The following TDRD3 variants were observed in gnomAD, a reference collection of about 807,000 sequenced individuals.
The protein encoded by TDRD3 is tudor domain-containing protein 3.
In TDRD3, 45 loss-of-function variants were observed where a neutral mutation model predicts 86.7. The observed-to-expected ratio is 0.52, with a 90% CI of 0.41 to 0.67. TDRD3 has a LOEUF of 0.67. TDRD3 is among the 30% of genes least tolerant of loss of function. TDRD3 has a pLI of 0.00. For synonymous variants in TDRD3, 298 were observed against 301.7 expected, an observed-to-expected ratio of 0.99 and a Z score of 0.13; for missense variants, 814 against 889.0, an observed-to-expected ratio of 0.92 and a Z score of 1.07.
intron 5 of TDRD3, among the ~76,000 whole-genome samples, chr13:60,475,587 TA>T (rs1490819170): frequency 5.9e-5 from 9 of 152,202 alleles, no homozygotes; most frequent in Non-Finnish European, 1.2e-4. Flanking sequence ...GCAGTAATAG[TA>T]GTTGAACTCT....
At chr13:60,516,596 A>C (rs1957175307) in intron 10 of TDRD3, among the ~76,000 whole-genome samples, 1 of 152,228 alleles carries the variant, frequency 6.6e-6, no homozygotes, top group African/African-American at 2.4e-5. Flanking sequence ...TCTTTGGGCA[A>C]GATATAGAAC....
At chr13:60,463,342 A>G (rs1296581862) in intron 4 of TDRD3, among the ~76,000 whole-genome samples, 3 of 149,308 alleles carry the variant, frequency 2.0e-5, no homozygotes, top group South Asian at 4.4e-4. Context: ...AGTCGGTGTG[A>G]CAAGAGCAAA....
intron 12 of TDRD3, chr13:60,537,433 CTG>C (rs1957722476): frequency 6.6e-6 from 1 of 151,958 alleles, no homozygotes; most frequent in African/African-American, 2.4e-5. Context: ...GAAATATAGT[CTG>C]TGTTGCTGTC....
chr13:60,475,373 G>T (rs973990949), intron 5 of TDRD3, among the ~76,000 whole-genome samples: 1 of 152,124 alleles, frequency 6.6e-6, no homozygotes, highest in Non-Finnish European at 1.5e-5. Context: ...GCCTTAGTTT[G>T]CTTAGAATGA....
intron 8 of TDRD3, among the ~76,000 whole-genome samples, chr13:60,506,373 A>T (rs1345055968): frequency 6.6e-6 from 1 of 152,202 alleles, no homozygotes; most frequent in Non-Finnish European, 1.5e-5. Context: ...CCTGCCTTAC[A>T]AGAGTTCCTG....
intron 12 of TDRD3, among the ~76,000 whole-genome samples, chr13:60,541,981 C>T (rs1177115610): frequency 6.6e-6 from 1 of 151,974 alleles, no homozygotes; most frequent in African/African-American, 2.4e-5. Flanking sequence ...CCTGCCTCAG[C>T]CTCCCAAAGT....
At chr13:60,475,394 A>T (rs1956163685) in intron 5 of TDRD3, among the ~76,000 whole-genome samples, 1 of 152,154 alleles carries the variant, frequency 6.6e-6, no homozygotes, top group African/African-American at 2.4e-5. Flanking sequence ...TGGCCTCCAG[A>T]TGCATCCATA....
At chr13:60,489,439 C>G (rs1956529151) in intron 7 of TDRD3, among the ~76,000 whole-genome samples, 1 of 152,154 alleles carries the variant, frequency 6.6e-6, no homozygotes, top group African/African-American at 2.4e-5. Flanking sequence ...CCCGCAATGT[C>G]TTTCTGTTGT....
intron 12 of TDRD3, among the ~76,000 whole-genome samples, chr13:60,559,084 CAT>C (rs140154693): frequency 0.016 from 2,402 of 151,428 alleles, 75 homozygotes; most frequent in African/African-American, 0.055. Context: ...TAAACAAACT[CAT>C]GTGTTTTGAA....
At position 60,439,781 on chromosome 13, in the gene TDRD3, T is replaced by C. The variant is rs1168873873; in HGVS notation, c.126+9T>C. ...TCCTGATTGCTCTCAATGTAGGTTA[T>C]ATTTATTAACTTGTAAACATTTGAA... is the stretch of plus-strand genomic sequence containing the variant. On this transcript the variant is annotated intron_variant, in intron 2 of 13. Transcript: ENST00000377881. 3 of 1,498,578 alleles carry C rather than the reference T, an allele frequency of 2.0e-6. No individual in the cohort carries two copies. The highest frequency in any genetic ancestry group is 2.7e-6 in the Non-Finnish European group (3 of 1,121,456). The allele number at this position is 1,498,578 out of a possible 1,614,324, so 92.8% of individuals were successfully genotyped here.
Position 60,403,244 on chromosome 13 carries a change from G to A in TDRD3, c.41+5839G>A, listed in dbSNP as rs371087093. Among the ~76,000 whole-genome samples the A allele has an allele frequency of 1.7e-4, 26 of 152,144 alleles. No homozygotes were observed. The East Asian group carries it at 1.9e-3, about 11-fold the overall frequency. ...AAAAAGAAACTTGCTACCTCAGCAGGTTGAAAATAATTTTCTCCTTTCATA... is the reference window on the plus strand; with the variant it reads ...AAAAAGAAACTTGCTACCTCAGCAGATTGAAAATAATTTTCTCCTTTCATA... On this transcript the variant is annotated intron_variant, in intron 1 of 13. Transcript: ENST00000377881.
chr13:60,467,722 T>C (rs544703168), intron 5 of TDRD3, among the ~76,000 whole-genome samples: 1 of 152,342 alleles, frequency 6.6e-6, no homozygotes, highest in East Asian at 1.9e-4. Context: ...TATACCTGTC[T>C]TATCTACAGA....
At chr13:60,533,655 A>G (rs1240342577) in intron 11 of TDRD3, among the ~76,000 whole-genome samples, 1 of 151,968 alleles carries the variant, frequency 6.6e-6, no homozygotes, top group African/African-American at 2.4e-5. Context: ...AAAAAGAGAG[A>G]TGCTATTAGA....
chr13:60,429,198 T>A (rs1050569430), intron 1 of TDRD3, among the ~76,000 whole-genome samples: 11 of 152,174 alleles, frequency 7.2e-5, no homozygotes, highest in Non-Finnish European at 1.3e-4. Flanking sequence ...CTGCCCTTTT[T>A]AATTGTAATA....
rs1460359993 is a variant in TDRD3 at position 60,460,449 on chromosome 13, T to A, written c.262T>A (p.Ser88Thr). The change falls in exon 4 of 14, where the codon TCT becomes ACT. Residue 88 changes from serine to threonine, a missense_variant. Physicochemically the swap from Ser to Thr is moderately conservative, Grantham distance 58. Transcript: ENST00000377881. ...TGCTGCACCAAAGGATAATGAAGAA[T>A]CTCAGGCTGCACCAAGGATGCTGCG... ...NVAAPKDNEE[S>T]QAAPRMLRLQ... The A allele has an allele frequency of 1.9e-6, 3 of 1,603,696 alleles. No individual in the cohort carries two copies. Among genetic ancestry groups the A allele is most frequent in the Non-Finnish European group, 2.5e-6 (3 of 1,177,322 alleles).
chr13:60,464,571 TACACACACACACATAC>T (rs964932274), intron 4 of TDRD3, among the ~76,000 whole-genome samples: 5 of 148,090 alleles, frequency 3.4e-5, no homozygotes, highest in Admixed American at 6.6e-5. Context: ...TGTATACACA[TACACACACACACATAC>T]ACACACACAC....
At chr13:60,550,074 A>C (rs1958014907) in intron 12 of TDRD3, among the ~76,000 whole-genome samples, 2 of 152,118 alleles carry the variant, frequency 1.3e-5, no homozygotes, top group African/African-American at 4.8e-5. Context: ...AATGTTCAAA[A>C]AAGAACCTAA....
chr13:60,405,582 T>C (rs1266970267), intron 1 of TDRD3, among the ~76,000 whole-genome samples: 1 of 151,990 alleles, frequency 6.6e-6, no homozygotes, highest in East Asian at 1.9e-4. Context: ...GCAAAAGTCA[T>C]AGGGCACTAG....
chr13:60,502,758 G>A (rs78515361), intron 8 of TDRD3, among the ~76,000 whole-genome samples: 2,266 of 152,246 alleles, frequency 0.015, 52 homozygotes, highest in African/African-American at 0.052. Context: ...ATATAGGTAT[G>A]AGGCCAGTTC....
Sources: gnomAD v4.1 joint callset for allele counts (sites outside exome capture counted in the v4.1 genomes callset) on GRCh38, gnomAD v4.1.1 for gene constraint, MANE v1.5 for transcripts, NCBI Gene and HGNC (gene_info 2026-07-23, HGNC 2026-07-21) for gene names.